Variants in PLOD2 observed in about 807,000 individuals in gnomAD.
The protein encoded by PLOD2 is procollagen-lysine,2-oxoglutarate 5-dioxygenase 2.
A neutral mutation model predicts 101.0 loss-of-function variants in PLOD2; 65 were observed. That is an observed-to-expected ratio of 0.64 (90% CI 0.53 to 0.79). The LOEUF is 0.79. Ranked by LOEUF, PLOD2 falls within the 30% of genes least tolerant of loss-of-function variation. PLOD2 has a pLI of 0.00. For synonymous variants in PLOD2, 314 were observed against 302.9 expected (o/e 1.04, Z -0.38); for missense variants, 909 against 914.6 (o/e 0.99, Z 0.08).
At chr3:146,071,444 A>G (rs754353371) in intron 17 of PLOD2, 21 bp from the exon 18 acceptor site, 9 of 1,608,902 alleles carry the variant, frequency 5.6e-6, no homozygotes, top group Non-Finnish European at 7.7e-6. Context: ...CATTAATGAC[A>G]TAATAAGCTG....
chr3:146,110,256 T>C, intron 4 of PLOD2, 29 bp downstream of exon 4: 1 of 1,603,090 alleles, frequency 6.2e-7, no homozygotes, highest in Non-Finnish European at 8.5e-7. Flanking sequence ...ATAACTTGCA[T>C]TAAACTTTTC....
intron 7 of PLOD2, among the ~76,000 whole-genome samples, chr3:146,101,697 A>T (rs1401946810): frequency 3.3e-5 from 5 of 152,222 alleles, no homozygotes; most frequent in Admixed American, 3.3e-4. Flanking sequence ...CCTGGAAGGC[A>T]GTGTGGATTG....
At chr3:146,122,365 C>A (rs1276276527) in intron 2 of PLOD2, among the ~76,000 whole-genome samples, 1 of 152,128 alleles carries the variant, frequency 6.6e-6, no homozygotes, top group Non-Finnish European at 1.5e-5. Context: ...ATCTGGAATC[C>A]CTAATCCTAA....
chr3:146,116,697 G>A lies in PLOD2; in HGVS notation c.338+4415C>T, dbSNP rs566547642. On this transcript the variant is annotated intron_variant, in intron 3 of 19. Coordinates refer to ENST00000282903, the MANE Select transcript of PLOD2 (RefSeq NM_182943.3). The stretch of plus-strand genomic sequence containing the variant: ...TCCTGTTATTTGCAACAATAAAATG[G>A]TTACAACTGGAGGTTACTAGGTTAA... Among the ~76,000 whole-genome samples the A allele has an allele frequency of 1.6e-4, 25 of 152,192 alleles. No homozygotes were observed. The South Asian group carries it at 3.5e-3, about 21-fold the overall frequency.
intron 1 of PLOD2, among the ~76,000 whole-genome samples, chr3:146,131,828 T>G (rs1414738924): frequency 6.6e-6 from 1 of 152,202 alleles, no homozygotes; most frequent in Non-Finnish European, 1.5e-5. Flanking sequence ...TCTAATTTTA[T>G]TTTGTGGAAT....
intron 1 of PLOD2, among the ~76,000 whole-genome samples, chr3:146,129,832 T>C (rs1007347704): frequency 2.0e-5 from 3 of 152,148 alleles, no homozygotes; most frequent in African/African-American, 7.2e-5. Flanking sequence ...ATCTTTACAT[T>C]CCTCTCCATC....
At chr3:146,109,049 G>T (rs1937582860) in intron 4 of PLOD2, among the ~76,000 whole-genome samples, 1 of 152,178 alleles carries the variant, frequency 6.6e-6, no homozygotes, top group African/African-American at 2.4e-5. Context: ...ATGGTGGGTA[G>T]CCATATTAGG....
rs1360817639 is a variant in PLOD2, at chr3:146,097,213, G to A, written c.778-5312C>T. Reference sequence around the variant, plus strand: ...CCCCGCCCGGCCAGCCGCCCCATCCGGGAGGTGAGGGGCGCTTCTGCCGGG... The same window carrying A: ...CCCCGCCCGGCCAGCCGCCCCATCCAGGAGGTGAGGGGCGCTTCTGCCGGG... On this transcript the variant is annotated intron_variant, in intron 7 of 19. Transcript: ENST00000282903. Among the ~76,000 whole-genome samples the A allele has an allele frequency of 2.0e-3, 301 of 151,000 alleles. 2 individuals carry two copies. The highest frequency in any genetic ancestry group is 3.3e-3 in the Non-Finnish European group (221 of 67,606).
At position 146,088,605 on chromosome 3, in the gene PLOD2, T is replaced by G. The variant is rs772758310; in HGVS notation, c.986A>C (p.Lys329Thr). The part of the protein sequence containing the change: ...LTLDYPKEAL[K>T]LFIHNKEVYH... ...ACTTACTTTGTTATGAATAAAAAGTTTAAGTGCTTCTTTTGGGTAATCCAG... is the reference window on the plus strand; with the variant it reads ...ACTTACTTTGTTATGAATAAAAAGTGTAAGTGCTTCTTTTGGGTAATCCAG... Residue 329 changes from lysine to threonine, a missense_variant, in exon 9 of 20, where the codon AAA becomes ACA. Coordinates refer to ENST00000282903, the MANE Select transcript of PLOD2 (RefSeq NM_182943.3). 6.3e-7 allele frequency: 1 copy of G among 1,580,920 alleles called. No homozygotes were observed. The highest frequency in any genetic ancestry group is 2.2e-5 in the East Asian group (1 of 44,590).
At chr3:146,108,274 G>A (rs1380968542) in intron 4 of PLOD2, among the ~76,000 whole-genome samples, 1 of 151,986 alleles carries the variant, frequency 6.6e-6, no homozygotes, top group African/African-American at 2.4e-5. Flanking sequence ...TCGACCTCCT[G>A]GGCTCAAACA....
chr3:146,077,986 G>C, intron 13 of PLOD2, 62 bp from the exon 14 acceptor site: 1 of 919,228 alleles, frequency 1.1e-6, no homozygotes, highest in East Asian at 2.4e-5. Flanking sequence ...GGTATTCTTT[G>C]GTAAATAAAA....
At chr3:146,145,673 T>A (rs901973327) in intron 1 of PLOD2, among the ~76,000 whole-genome samples, 3 of 152,166 alleles carry the variant, frequency 2.0e-5, no homozygotes, top group African/African-American at 7.2e-5. Flanking sequence ...GTTATGGTAG[T>A]CCACAAAGTT....
intron 1 of PLOD2, among the ~76,000 whole-genome samples, chr3:146,132,298 C>T (rs2030961735): frequency 6.6e-6 from 1 of 152,078 alleles, no homozygotes; most frequent in African/African-American, 2.4e-5. Flanking sequence ...GCAGTATGTG[C>T]AGTGGGATGG....
In PLOD2 at chr3:146,079,948, C is replaced by T. The variant is rs553537455; in HGVS notation, c.1359-691G>A. Among the ~76,000 whole-genome samples, 17 of 152,038 alleles carry T rather than the reference C, an allele frequency of 1.1e-4. No homozygotes were observed. In the East Asian group the frequency reaches 3.3e-3, roughly 29 times the overall value. On this transcript the variant is annotated intron_variant, in intron 12 of 19. Coordinates refer to ENST00000282903, the MANE Select transcript of PLOD2 (RefSeq NM_182943.3). ...GAGCACATGAACGTTGCATCCTTTC[C>T]CACATCTATATTCTCACTCTGAACA...
chr3:146,103,513 G>A (rs888968206), intron 6 of PLOD2, among the ~76,000 whole-genome samples: 6 of 150,870 alleles, frequency 4.0e-5, no homozygotes, highest in Admixed American at 1.3e-4. Context: ...CGGCTGGAGT[G>A]CAAGGACACA....
chr3:146,127,197 G>T (rs953645545), intron 1 of PLOD2, among the ~76,000 whole-genome samples: 4 of 152,120 alleles, frequency 2.6e-5, no homozygotes, highest in Non-Finnish European at 5.9e-5. Context: ...TTTAGATTCA[G>T]AGGATACAGG....
intron 1 of PLOD2, among the ~76,000 whole-genome samples, chr3:146,157,533 T>A (rs1218906101): frequency 2.6e-5 from 4 of 152,194 alleles, no homozygotes; most frequent in Non-Finnish European, 5.9e-5. Context: ...GACATGCGGA[T>A]TCTCAATTCC....
chr3:146,143,011 T>C (rs1356070863), intron 1 of PLOD2, among the ~76,000 whole-genome samples: 1 of 152,152 alleles, frequency 6.6e-6, no homozygotes, highest in Non-Finnish European at 1.5e-5. Flanking sequence ...GCAGCTCTGC[T>C]ATTTTTCAAT....
chr3:146,107,622 ATTTTTTTTTTTTTTTTT>A (rs71158215), intron 4 of PLOD2, among the ~76,000 whole-genome samples: 1 of 68,870 alleles, frequency 1.5e-5, no homozygotes, highest in Non-Finnish European at 2.6e-5. Flanking sequence ...TGCCATATAA[ATTTTTTTTTTTTTTTTT>A]TTTTTTTTTT....
Sources: allele counts gnomAD v4.1 joint callset (sites outside exome capture counted in the v4.1 genomes callset), GRCh38; gene constraint gnomAD v4.1.1; transcripts MANE v1.5; gene names NCBI Gene and HGNC (gene_info 2026-07-23, HGNC 2026-07-21).